The following CCDC102B variants were observed in gnomAD, a reference collection of about 807,000 sequenced individuals.
The protein encoded by CCDC102B is coiled-coil domain-containing protein 102B.
CCDC102B carries 75 observed loss-of-function variants against 57.4 expected under a neutral mutation model. The ratio of observed to expected loss-of-function variants is 1.31; its 90% CI spans 1.08 to 1.58. The LOEUF is 1.58. Among genes scored for constraint, CCDC102B ranks in the 40% most tolerant of loss-of-function variants. The pLI is 0.00. For synonymous variants in CCDC102B, 206 were observed against 201.9 expected, an observed-to-expected ratio of 1.02 and a Z score of -0.17; for missense variants, 636 against 582.6, an observed-to-expected ratio of 1.09 and a Z score of -0.94.
chr18:68,873,101 T>G (rs76245999), intron 4 of CCDC102B, among the ~76,000 whole-genome samples: 1,614 of 152,298 alleles, frequency 0.011, 33 homozygotes, highest in East Asian at 0.08. Flanking sequence ...TGCTTTCATT[T>G]TTCTTCTGCT....
rs375931908 is a variant in CCDC102B, at chr18:68,902,960, C to A, written c.1263+5532C>A. 9.7e-4 allele frequency among the ~76,000 whole-genome samples: 148 copies of A among 152,170 alleles called. 1 individual carries two copies. The South Asian group carries it at 0.02, about 21-fold the overall frequency. ...CCGGCACATTTTTCTCATACTAGGT[C>A]TTCAAAAACATTCATGAAAGGGATA... On this transcript the variant is annotated intron_variant, in intron 6 of 7. Coordinates refer to ENST00000360242, the MANE Select transcript of CCDC102B (RefSeq NM_024781.3).
At chr18:69,029,500 ATT>A (rs60185803) in intron 7 of CCDC102B, among the ~76,000 whole-genome samples, 1 of 151,970 alleles carries the variant, frequency 6.6e-6, no homozygotes, top group Non-Finnish European at 1.5e-5. Context: ...ACATGTGAGA[ATT>A]TTTTTTACAC....
At chr18:68,931,691 G>A (rs549147917) in intron 6 of CCDC102B, among the ~76,000 whole-genome samples, 1 of 152,044 alleles carries the variant, frequency 6.6e-6, no homozygotes, top group African/African-American at 2.4e-5. Context: ...TGGGGGCCTT[G>A]TTCTTGCTTT....
At chr18:68,855,182 T>C (rs900187222) in intron 4 of CCDC102B, among the ~76,000 whole-genome samples, 2 of 152,208 alleles carry the variant, frequency 1.3e-5, no homozygotes, top group African/African-American at 2.4e-5. Context: ...GCAAGATTGA[T>C]ACACAGAGTT....
At chr18:68,911,921 C>T (rs547545074) in intron 6 of CCDC102B, among the ~76,000 whole-genome samples, 1 of 151,646 alleles carries the variant, frequency 6.6e-6, no homozygotes, top group South Asian at 2.1e-4. Context: ...GCTCCAGGAA[C>T]TAAAATGTCA....
chr18:68,775,661 T>TC (rs1266241448), intron 2 of CCDC102B, among the ~76,000 whole-genome samples: 10 of 149,444 alleles, frequency 6.7e-5, no homozygotes, highest in Non-Finnish European at 3.0e-5. Context: ...GGATTTTTTT[T>TC]TTTTTTTTTT....
At chr18:68,749,929 T>C (rs1052099344) in intron 2 of CCDC102B, among the ~76,000 whole-genome samples, 6 of 151,998 alleles carry the variant, frequency 3.9e-5, no homozygotes, top group Admixed American at 6.6e-5. Context: ...AATTGACAAG[T>C]GGGATCTAAT....
chr18:68,788,301 T>C (rs1239482730), intron 2 of CCDC102B, among the ~76,000 whole-genome samples: 5 of 151,600 alleles, frequency 3.3e-5, no homozygotes, highest in Admixed American at 1.3e-4. Flanking sequence ...AAAATGTATA[T>C]TCTGTTGATT....
intron 6 of CCDC102B, among the ~76,000 whole-genome samples, chr18:68,962,337 C>T (rs530491090): frequency 6.6e-6 from 1 of 152,162 alleles, no homozygotes; most frequent in South Asian, 2.1e-4. Context: ...CTGCAACTAT[C>T]CAAGAAGTGA....
chr18:69,003,595 G>C (rs139585664), intron 6 of CCDC102B, among the ~76,000 whole-genome samples: 58 of 152,284 alleles, frequency 3.8e-4, no homozygotes, highest in Middle Eastern at 3.4e-3. Flanking sequence ...CTCTGGACCT[G>C]ATACCTATGC....
At chr18:68,896,407 T>C (rs940426971) in intron 5 of CCDC102B, among the ~76,000 whole-genome samples, 1 of 151,962 alleles carries the variant, frequency 6.6e-6, no homozygotes, top group African/African-American at 2.4e-5. Flanking sequence ...CTCATGTTGA[T>C]ATACCATGCA....
At chr18:68,939,347 A>G (rs1007824872) in intron 6 of CCDC102B, among the ~76,000 whole-genome samples, 2 of 151,700 alleles carry the variant, frequency 1.3e-5, no homozygotes, top group African/African-American at 4.8e-5. Flanking sequence ...TTCTCTCTAC[A>G]TATATTAAAT....
At chr18:68,948,109 A>G (rs974726683) in intron 6 of CCDC102B, among the ~76,000 whole-genome samples, 28 of 152,146 alleles carry the variant, frequency 1.8e-4, no homozygotes, top group African/African-American at 6.5e-4. Context: ...TTTATTTTTG[A>G]TTAATTAGTG....
chr18:69,045,249 A>G (rs1185625214), intron 7 of CCDC102B, among the ~76,000 whole-genome samples: 3 of 152,134 alleles, frequency 2.0e-5, no homozygotes, highest in Non-Finnish European at 4.4e-5. Flanking sequence ...GAAGCATTCA[A>G]TATATCAAAA....
Position 68,774,739 on chromosome 18 carries a change from A to G in CCDC102B, c.-66-48627A>G, listed in dbSNP as rs1349656066. On this transcript the variant is annotated intron_variant, in intron 2 of 3. Transcript: ENST00000578970. ...TTAGAGATTGATTTATTTTTAATGT[A>G]ATTTTACATGGTCTCAAAGTTGAAA... Among the ~76,000 whole-genome samples the G allele has an allele frequency of 4.6e-5, 7 of 152,158 alleles. No individual in the cohort carries two copies. The South Asian group carries it at 1.0e-3, about 23-fold the overall frequency.
At chr18:68,946,133 A>T (rs1381135908) in intron 6 of CCDC102B, among the ~76,000 whole-genome samples, 1 of 152,038 alleles carries the variant, frequency 6.6e-6, no homozygotes, top group Non-Finnish European at 1.5e-5. Flanking sequence ...TGAAACTGAA[A>T]TTCACTCATA....
chr18:68,966,436 T>C (rs1015733917), intron 6 of CCDC102B, among the ~76,000 whole-genome samples: 3 of 152,164 alleles, frequency 2.0e-5, no homozygotes, highest in Admixed American at 6.6e-5. Flanking sequence ...TTAGTGCTGT[T>C]TGAATCAGGA....
intron 6 of CCDC102B, among the ~76,000 whole-genome samples, chr18:68,927,377 A>G (rs927758721): frequency 2.0e-5 from 3 of 151,994 alleles, no homozygotes; most frequent in Non-Finnish European, 4.4e-5. Context: ...TGCAAGGGCA[A>G]TCTGGTAGAT....
chr18:68,989,976 T>C (rs950759967), intron 6 of CCDC102B, among the ~76,000 whole-genome samples: 3 of 152,206 alleles, frequency 2.0e-5, no homozygotes, highest in Admixed American at 6.5e-5. Context: ...TTTGTTGTTG[T>C]AGTTTTTAAT....
Sources: allele counts gnomAD v4.1 joint callset (sites outside exome capture counted in the v4.1 genomes callset), GRCh38; gene constraint gnomAD v4.1.1; transcripts MANE v1.5; gene names NCBI Gene and HGNC (gene_info 2026-07-23, HGNC 2026-07-21).